RALYL: variants seen among roughly 807,000 people sequenced by gnomAD.
RALYL encodes the protein RALY RNA binding protein like.
Under a neutral mutation model 35.1 loss-of-function variants are expected in RALYL, and 29 were observed. The observed-to-expected ratio is 0.83, with a 90% confidence interval of 0.61 to 1.13. The LOEUF (loss-of-function observed/expected upper bound fraction) is 1.13, where lower values mean the gene tolerates loss of function less well. RALYL is among the 50% of genes most tolerant of loss of function. The pLI, the probability that RALYL is intolerant of heterozygous loss-of-function variation, is 0.00. For synonymous variants in RALYL, 120 were observed against 127.6 expected, an observed-to-expected ratio of 0.94 and a Z score of 0.40; for missense variants, 359 against 360.4, an observed-to-expected ratio of 1.00 and a Z score of 0.03.
intron 2 of RALYL, among the ~76,000 whole-genome samples, chr8:84,554,323 A>G (rs2060950367): frequency 6.6e-6 from 1 of 152,196 alleles, no homozygotes; most frequent in Non-Finnish European, 1.5e-5. Context: ...TTTTCCAACC[A>G]GAACATGTTC....
intron 2 of RALYL, among the ~76,000 whole-genome samples, chr8:84,773,976 C>T (rs1563572944): frequency 6.6e-6 from 1 of 152,106 alleles, no homozygotes; most frequent in South Asian, 2.1e-4. Flanking sequence ...CCCAACACTT[C>T]GGGAGGCTGA....
At chr8:84,798,118 C>T (rs1822366540) in intron 3 of RALYL, among the ~76,000 whole-genome samples, 1 of 152,148 alleles carries the variant, frequency 6.6e-6, no homozygotes, top group Non-Finnish European at 1.5e-5. Context: ...CTTATTCTCT[C>T]TTATGATTTA....
intron 8 of RALYL, among the ~76,000 whole-genome samples, chr8:84,916,374 G>C (rs1033642803): frequency 2.6e-5 from 4 of 151,610 alleles, no homozygotes; most frequent in Non-Finnish European, 5.9e-5. Flanking sequence ...TAAGTCATAT[G>C]GTTTGGCTGT....
In RALYL at chr8:84,656,472, C is replaced by T. The variant is rs1221158574; in HGVS notation, c.257-118107C>T. ...GATTACTGACTATGAGTTAGGCATA[C>T]TCAGTCCTCATTCACACCTTATGAG... On this transcript the variant is annotated intron_variant, in intron 2 of 8. Transcript: ENST00000521268. 2.6e-5 allele frequency among the ~76,000 whole-genome samples: 4 copies of T among 152,278 alleles called. No individual in the cohort carries two copies. The South Asian group carries it at 6.2e-4, about 24-fold the overall frequency.
chr8:84,504,824 A>G (rs1174439712), intron 1 of RALYL, among the ~76,000 whole-genome samples: 1 of 152,140 alleles, frequency 6.6e-6, no homozygotes, highest in Non-Finnish European at 1.5e-5. Flanking sequence ...TAGTTAGTTA[A>G]GGATAACAAA....
intron 2 of RALYL, among the ~76,000 whole-genome samples, chr8:84,722,715 G>T (rs1844212375): frequency 6.9e-6 from 1 of 144,412 alleles, no homozygotes; most frequent in African/African-American, 2.6e-5. Flanking sequence ...TTTTGTGTAT[G>T]TGTGTATATA....
intron 1 of RALYL, among the ~76,000 whole-genome samples, chr8:84,505,151 C>A (rs2057054836): frequency 6.6e-6 from 1 of 152,114 alleles, no homozygotes; most frequent in Non-Finnish European, 1.5e-5. Flanking sequence ...TTTCAGCATC[C>A]TGAGATTCCT....
At chr8:84,821,156 T>C (rs1324882686) in intron 4 of RALYL, among the ~76,000 whole-genome samples, 1 of 152,204 alleles carries the variant, frequency 6.6e-6, no homozygotes, top group Non-Finnish European at 1.5e-5. Flanking sequence ...TACTTGATTA[T>C]CTAAATAATT....
chr8:84,260,426 A>T (rs1200683033), intron 1 of RALYL, among the ~76,000 whole-genome samples: 1 of 152,104 alleles, frequency 6.6e-6, no homozygotes, highest in South Asian at 2.1e-4. Flanking sequence ...GTGTCAGCTG[A>T]AGCCCCTTAG....
At chr8:84,844,976 G>A (rs943656614) in intron 4 of RALYL, among the ~76,000 whole-genome samples, 5 of 152,008 alleles carry the variant, frequency 3.3e-5, no homozygotes, top group Admixed American at 6.6e-5. Context: ...TGTGGGGTGG[G>A]GGAAGGGGGG....
chr8:84,410,852 A>G (rs1202363877), intron 1 of RALYL, among the ~76,000 whole-genome samples: 1 of 151,784 alleles, frequency 6.6e-6, no homozygotes, highest in African/African-American at 2.4e-5. Context: ...AGAGTGAATA[A>G]GAGTTTATAT....
At chr8:84,316,545 A>G (rs1843785268) in intron 1 of RALYL, among the ~76,000 whole-genome samples, 1 of 151,900 alleles carries the variant, frequency 6.6e-6, no homozygotes, top group African/African-American at 2.4e-5. Flanking sequence ...AATCTGAGTG[A>G]TTTATTATTT....
At chr8:84,848,147 C>G (rs1301270820) in intron 4 of RALYL, among the ~76,000 whole-genome samples, 5 of 152,118 alleles carry the variant, frequency 3.3e-5, no homozygotes, top group African/African-American at 1.2e-4. Context: ...AATTCCACTT[C>G]TAGGTATATA....
At chr8:84,794,404 T>C (rs1036813972) in intron 3 of RALYL, among the ~76,000 whole-genome samples, 4 of 152,212 alleles carry the variant, frequency 2.6e-5, no homozygotes, top group African/African-American at 9.6e-5. Context: ...AGTTTCTCTG[T>C]AGGATTTAAC....
At chr8:84,655,633 G>T (rs1270658462) in intron 2 of RALYL, among the ~76,000 whole-genome samples, 1 of 152,040 alleles carries the variant, frequency 6.6e-6, no homozygotes, top group Non-Finnish European at 1.5e-5. Context: ...AGGATTATTA[G>T]ATTTTTTTTT....
chr8:84,191,880 G>A (rs1311585237), intron 1 of RALYL, among the ~76,000 whole-genome samples: 1 of 152,192 alleles, frequency 6.6e-6, no homozygotes, highest in African/African-American at 2.4e-5. Context: ...TTAAGTGTAA[G>A]AAATGTAAGA....
intron 3 of RALYL, among the ~76,000 whole-genome samples, chr8:84,795,939 A>C (rs1275275617): frequency 4.6e-5 from 7 of 152,144 alleles, no homozygotes. Flanking sequence ...CCAATTTTTC[A>C]ATGTTGATAG....
chr8:84,484,653 TTTG>T (rs1161728264), intron 1 of RALYL, among the ~76,000 whole-genome samples: 2 of 152,196 alleles, frequency 1.3e-5, no homozygotes, highest in Non-Finnish European at 2.9e-5. Context: ...TCAAATTATT[TTTG>T]TTAACTTTAC....
At position 84,862,308 on chromosome 8, in the gene RALYL, C is replaced by T; in HGVS notation, c.426C>T (p.Tyr142=). 6.3e-7 allele frequency: 1 copy of T among 1,581,270 alleles called. No homozygotes were observed. The highest frequency in any genetic ancestry group is 8.6e-7 in the Non-Finnish European group (1 of 1,164,692). The change falls in exon 6 of 9, where the codon TAC becomes TAT. Residue 142 remains tyrosine, a synonymous_variant. Coordinates refer to ENST00000521268, the MANE Select transcript of RALYL (RefSeq NM_173848.7). The part of the protein sequence containing the change: ...RDDFYNRLFD[Y]HGRVPPPPRA... Reference sequence around the variant, plus strand: ...GTGTTTTGTAAAGGTTATTTGATTACCACGGGCGTGTGCCTCCACCTCCCC... The same window carrying T: ...GTGTTTTGTAAAGGTTATTTGATTATCACGGGCGTGTGCCTCCACCTCCCC...
Sources: allele counts gnomAD v4.1 joint callset (sites outside exome capture counted in the v4.1 genomes callset), GRCh38; gene constraint gnomAD v4.1.1; transcripts MANE v1.5; gene names NCBI Gene and HGNC (gene_info 2026-07-23, HGNC 2026-07-21).